The following PI4KA variants were observed in gnomAD, a reference collection of about 807,000 sequenced individuals.
PI4KA encodes PI4-kinase alpha.
A neutral mutation model predicts 271.4 loss-of-function variants in PI4KA; 122 were observed. That is an observed-to-expected ratio of 0.45 (90% CI 0.39 to 0.52). The LOEUF is 0.52. Ranked by LOEUF, PI4KA falls within the 20% of genes least tolerant of loss-of-function variation. PI4KA has a pLI of 0.00. For synonymous variants in PI4KA, 1,041 were observed against 1,078.8 expected (o/e 0.96, Z 0.69); for missense variants, 1,969 against 2,769.1 (o/e 0.71, Z 6.48).
At position 20,716,940 on chromosome 22, in the gene PI4KA, C is replaced by T. The variant is rs1055014562; in HGVS notation, c.5317+768G>A. On this transcript the variant is annotated intron_variant, in intron 45 of 54. Transcript: ENST00000255882. ...ACAGAGTTTGGAAGACAAGTTTGTG[C>T]CAATAGTTAGAAATGCAGAGAGAGG... Among the ~76,000 whole-genome samples the T allele has an allele frequency of 1.8e-4, 28 of 152,226 alleles. No individual in the cohort carries two copies. The South Asian group carries it at 2.1e-3, about 11-fold the overall frequency.
intron 23 of PI4KA, among the ~76,000 whole-genome samples, chr22:20,757,444 C>G (rs2147356223): frequency 6.6e-6 from 1 of 152,268 alleles, no homozygotes; most frequent in South Asian, 2.1e-4. Flanking sequence ...AACAGAAAAA[C>G]AGAGCTCAGA....
rs116609082 is a variant in PI4KA, at chr22:20,834,667, T to G, written c.274-12A>C. On this transcript the variant is annotated splice_polypyrimidine_tract_variant and intron_variant, in intron 2 of 54. Transcript: ENST00000255882. The stretch of plus-strand genomic sequence containing the variant: ...ACACAATCTTTGTGCTAAAAAATAA[T>G]AAGAAGAATAATAAATTAGATTTAA... 353 of 1,504,862 alleles carry G rather than the reference T, an allele frequency of 2.3e-4. 1 individual carries two copies. Among genetic ancestry groups the G allele is most frequent in the African/African-American group, 1.5e-3 (112 of 72,696 alleles). The allele number at this position is 1,504,862 out of a possible 1,614,324, so 93.2% of individuals were successfully genotyped here.
rs1244510106 is a variant in PI4KA at position 20,780,920 on chromosome 22, A to G, written c.2328+12273T>C. 2.0e-5 allele frequency among the ~76,000 whole-genome samples: 3 copies of G among 152,310 alleles called. No individual in the cohort carries two copies. In the East Asian group the frequency reaches 5.8e-4, roughly 29 times the overall value. On this transcript the variant is annotated intron_variant, in intron 19 of 54. Coordinates refer to ENST00000255882, the MANE Select transcript of PI4KA (RefSeq NM_058004.4). ...ACAAAAACTGTTTTAGCATTTGGCCAGCCTGGATTTGAGTTTTCTCTTTTC... is the reference window on the plus strand; with the variant it reads ...ACAAAAACTGTTTTAGCATTTGGCCGGCCTGGATTTGAGTTTTCTCTTTTC...
At chr22:20,776,833 A>G (rs1312081602) in intron 19 of PI4KA, among the ~76,000 whole-genome samples, 2 of 152,208 alleles carry the variant, frequency 1.3e-5, no homozygotes. Context: ...GGCCATTATC[A>G]ACATTAACCA....
Position 20,749,993 on chromosome 22 carries a change from C to T in PI4KA, c.3155G>A (p.Ser1052Asn). The change falls in exon 28 of 55, where the codon AGC becomes AAC. Residue 1052 changes from serine (S) to asparagine (N), a missense_variant and splice_region_variant. Around this residue, in one of 13 missense-constraint regions of PI4KA, gnomAD observed 368 missense variants for 544.3 expected, o/e 0.68. Transcript: ENST00000255882. Reference sequence around the variant, plus strand: ...GCGTGCAGCGAAGTCCTTCACAATGCTCTGGAAGAGGGTGAAGCTGCTTCT... The same window carrying T: ...GCGTGCAGCGAAGTCCTTCACAATGTTCTGGAAGAGGGTGAAGCTGCTTCT... Reference protein sequence around the residue: ...TVPDTYEARESIVKDFAARCG... With the variant: ...TVPDTYEARENIVKDFAARCG... The T allele has an allele frequency of 6.2e-7, 1 of 1,608,976 alleles. No individual in the cohort carries two copies. The highest frequency in any genetic ancestry group is 8.5e-7 in the Non-Finnish European group (1 of 1,175,368).
rs1023597380 is a variant in PI4KA, at chr22:20,761,394, G to A, written c.2709-8C>T. On this transcript the variant is annotated splice_polypyrimidine_tract_variant and splice_region_variant and intron_variant, in intron 22 of 54. Coordinates refer to ENST00000255882, the MANE Select transcript of PI4KA (RefSeq NM_058004.4). ...TCTGTTGAACGCAGTACCCTAAGAA[G>A]AAAACAGCTTTAAATAAATTTTGAA... 6.3e-7 allele frequency: 1 copy of A among 1,592,244 alleles called. No homozygotes were observed. Among genetic ancestry groups the A allele is most frequent in the African/African-American group, 1.3e-5 (1 of 74,598 alleles).
chr22:20,745,589 A>G (rs1222009384), intron 29 of PI4KA, among the ~76,000 whole-genome samples: 1 of 152,164 alleles, frequency 6.6e-6, no homozygotes, highest in African/African-American at 2.4e-5. Context: ...TCTCTCATGA[A>G]ATTATTAAAC....
At chr22:20,826,748 C>T (rs1389367958) in intron 3 of PI4KA, among the ~76,000 whole-genome samples, 1 of 152,182 alleles carries the variant, frequency 6.6e-6, no homozygotes, top group Non-Finnish European at 1.5e-5. Flanking sequence ...GCCATTCTGA[C>T]TGGTGTGAGA....
At chr22:20,854,722 GA>G (rs1423086490) in intron 1 of PI4KA, among the ~76,000 whole-genome samples, 1 of 151,818 alleles carries the variant, frequency 6.6e-6, no homozygotes, top group Admixed American at 6.6e-5. Flanking sequence ...AGAAAGAAGA[GA>G]AAAAAATAGA....
chr22:20,851,592 C>A (rs961148894), intron 1 of PI4KA, among the ~76,000 whole-genome samples: 4 of 152,154 alleles, frequency 2.6e-5, no homozygotes, highest in East Asian at 1.9e-4. Context: ...CCTGCCTCAG[C>A]CTCCCAAAGT....
At chr22:20,781,823 T>C (rs968375283) in intron 19 of PI4KA, among the ~76,000 whole-genome samples, 1 of 152,216 alleles carries the variant, frequency 6.6e-6, no homozygotes, top group African/African-American at 2.4e-5. Flanking sequence ...TCACCACTTC[T>C]CGTTTGTGTG....
chr22:20,804,280 C>A lies in PI4KA; in HGVS notation c.1461+20G>T. 1 of 1,562,384 alleles carries A rather than the reference C, an allele frequency of 6.4e-7. No individual in the cohort carries two copies. Among genetic ancestry groups the A allele is most frequent in the African/African-American group, 1.3e-5 (1 of 74,082 alleles). On this transcript the variant is annotated intron_variant, in intron 12 of 54. Transcript: ENST00000255882. ...CCCTACAGGTGGGATCTGAGCCTCT[C>A]TGGGTTCAGGGAGACTGACCTGCAG...
intron 42 of PI4KA, 111 bp from the exon 43 acceptor site, chr22:20,721,529 G>A (rs188981287): frequency 1.6e-5 from 19 of 1,151,736 alleles, no homozygotes; most frequent in African/African-American, 1.1e-4. Flanking sequence ...GGTAAGGCCC[G>A]GTGGCTCTAG....
intron 23 of PI4KA, among the ~76,000 whole-genome samples, chr22:20,758,161 C>T (rs985811959): frequency 5.3e-5 from 8 of 151,800 alleles, no homozygotes; most frequent in Admixed American, 3.9e-4. Flanking sequence ...GTCAGGAGAT[C>T]GAGACCATTC....
chr22:20,817,675 G>A (rs187440472), intron 7 of PI4KA, among the ~76,000 whole-genome samples: 16 of 124,760 alleles, frequency 1.3e-4, no homozygotes, highest in East Asian at 1.3e-3. Flanking sequence ...TTGAAGCTGC[G>A]GTGAGCCATG....
chr22:20,751,782 C>A lies in PI4KA; in HGVS notation c.2988-27G>T, dbSNP rs777028810. On this transcript the variant is annotated intron_variant, in intron 25 of 54. Transcript: ENST00000255882. ...TGCACCAAGAGCCAGCTCTCAGGACCAAGAGCCAAACCTCCAAGGAAGGTC... is the reference window on the plus strand; with the variant it reads ...TGCACCAAGAGCCAGCTCTCAGGACAAAGAGCCAAACCTCCAAGGAAGGTC... 5 of 1,604,328 alleles carry A rather than the reference C, an allele frequency of 3.1e-6. No homozygotes were observed. In the Admixed American group the frequency reaches 8.4e-5, roughly 27 times the overall value.
At position 20,707,930 on chromosome 22, in the gene PI4KA, TG is replaced by T; in HGVS notation, c.*116del. On this transcript the variant is annotated 3_prime_UTR_variant, in exon 55 of 55. Transcript: ENST00000255882. ...CCCCAGGAGGCGCTACCAGGTTCTT[TG>T]GGCCACAGGCCTCTCCTCCACTGCA... 1 of 942,610 alleles carries T rather than the reference TG, an allele frequency of 1.1e-6. No individual in the cohort carries two copies. The highest frequency in any genetic ancestry group is 1.8e-6 in the Non-Finnish European group (1 of 569,404). 58.4% of individuals were successfully genotyped at this position (942,610 alleles called of 1,614,324 possible).
Position 20,818,468 on chromosome 22 carries a change from A to G in PI4KA, c.856+15T>C. The G allele has an allele frequency of 1.3e-6, 2 of 1,571,188 alleles. No individual in the cohort carries two copies. Among genetic ancestry groups the G allele is most frequent in the South Asian group, 1.2e-5 (1 of 84,238 alleles). ...AGTATTACGTCAAAATATTCTTCGG[A>G]AAGGTGAAGCCCACCTTCAAAGTAG... On this transcript the variant is annotated intron_variant, in intron 7 of 54. Transcript: ENST00000255882.
At chr22:20,779,904 A>G in intron 19 of PI4KA, 1 of 1,614,286 alleles carries the variant, frequency 6.2e-7, no homozygotes, top group Non-Finnish European at 8.5e-7. Flanking sequence ...AATCACGACC[A>G]TTCATAATCT....
Sources: allele counts gnomAD v4.1 joint callset (sites outside exome capture counted in the v4.1 genomes callset), GRCh38; gene constraint gnomAD v4.1.1; regional missense constraint gnomAD v4.1.1; transcripts MANE v1.5; gene names NCBI Gene and HGNC (gene_info 2026-07-23, HGNC 2026-07-21).